The following NOS1 variants were observed in gnomAD, a reference collection of about 807,000 sequenced individuals.
The protein encoded by NOS1 is nitric oxide synthase 1.
In NOS1, 51 loss-of-function variants were observed where a neutral mutation model predicts 164.5. The observed-to-expected ratio is 0.31, with a 90% confidence interval of 0.25 to 0.39. The LOEUF is 0.39. NOS1 is among the 10% of genes least tolerant of loss of function. The pLI, the probability that NOS1 is intolerant of heterozygous loss-of-function variation, is 1.00. For synonymous variants in NOS1, 719 were observed against 745.8 expected, an observed-to-expected ratio of 0.96 and a Z score of 0.59; for missense variants, 1,362 against 1,885.6, an observed-to-expected ratio of 0.72 and a Z score of 5.14.
rs546243835 is a variant in NOS1 at position 117,317,522 on chromosome 12, C to T, written c.726-5930G>A. On this transcript the variant is annotated intron_variant, in intron 2 of 28. Coordinates refer to ENST00000317775, the MANE Select transcript of NOS1 (RefSeq NM_000620.5). The stretch of plus-strand genomic sequence containing the variant: ...AATGCTTCCAGATATTGCAAAGTGC[C>T]CCCTGGGAGGCAAAATTGTACTCCT... Among the ~76,000 whole-genome samples the T allele has an allele frequency of 2.7e-5, 4 of 150,894 alleles. 1 individual carries two copies. The South Asian group carries it at 8.5e-4, about 32-fold the overall frequency.
chr12:117,349,690 G>T (rs9658261), intron 1 of NOS1, among the ~76,000 whole-genome samples: 1,724 of 152,272 alleles, frequency 0.011, 116 homozygotes, highest in Admixed American at 0.1. Flanking sequence ...ATGGTACCTA[G>T]TCTGTAGCAA....
chr12:117,273,407 G>A (rs965790891), intron 9 of NOS1, among the ~76,000 whole-genome samples: 2 of 152,146 alleles, frequency 1.3e-5, no homozygotes, highest in Non-Finnish European at 2.9e-5. Context: ...CAGGACACCG[G>A]CTCCCTCTCC....
chr12:117,217,160 T>C (rs979863092), intron 28 of NOS1, among the ~76,000 whole-genome samples: 5 of 151,998 alleles, frequency 3.3e-5, no homozygotes, highest in African/African-American at 1.2e-4. Context: ...AGTGAAATTG[T>C]CAAAATCATG....
intron 26 of NOS1, among the ~76,000 whole-genome samples, chr12:117,221,318 CTT>C (rs201784052): frequency 6.8e-6 from 1 of 146,778 alleles, no homozygotes; most frequent in African/African-American, 2.5e-5. Context: ...CCACACCTGG[CTT>C]TTTTTTTTAG....
At chr12:117,295,825 C>T (rs1470081119) in intron 3 of NOS1, among the ~76,000 whole-genome samples, 1 of 151,046 alleles carries the variant, frequency 6.6e-6, no homozygotes, top group Admixed American at 6.6e-5. Context: ...GACGAGGTTT[C>T]ACCATGTTGG....
chr12:117,340,408 C>A (rs1876042003), intron 1 of NOS1, among the ~76,000 whole-genome samples: 1 of 152,154 alleles, frequency 6.6e-6, no homozygotes, highest in Non-Finnish European at 1.5e-5. Flanking sequence ...TGATCGTGGG[C>A]AAGTTACTTA....
chr12:117,259,975 C>G (rs183630283), intron 14 of NOS1, among the ~76,000 whole-genome samples: 5 of 151,924 alleles, frequency 3.3e-5, no homozygotes, highest in South Asian at 2.1e-4. Flanking sequence ...AAAAATTAGC[C>G]GAACGTGGTG....
At chr12:117,219,589 G>A (rs746993678) in intron 27 of NOS1, among the ~76,000 whole-genome samples, 5 of 152,164 alleles carry the variant, frequency 3.3e-5, no homozygotes, top group Non-Finnish European at 7.3e-5. Flanking sequence ...TTATAGGCGT[G>A]AGCCACCGAG....
chr12:117,283,302 T>C (rs946821400), intron 7 of NOS1, among the ~76,000 whole-genome samples: 4 of 152,126 alleles, frequency 2.6e-5, no homozygotes, highest in African/African-American at 4.8e-5. Context: ...GCTCAAGTGA[T>C]CCATTCACCT....
chr12:117,223,095 A>T (rs189013608), intron 25 of NOS1, among the ~76,000 whole-genome samples: 3 of 152,182 alleles, frequency 2.0e-5, no homozygotes, highest in African/African-American at 7.2e-5. Context: ...GAAGGAGGTG[A>T]AGTGTGTTCA....
chr12:117,223,902 C>T (rs1381854757), intron 25 of NOS1, among the ~76,000 whole-genome samples: 2 of 152,202 alleles, frequency 1.3e-5, no homozygotes, highest in African/African-American at 4.8e-5. Context: ...GATCCACCTG[C>T]CTCAGCCTTC....
rs569932511 is a variant in NOS1, at chr12:117,214,055, G to A, written c.*1254C>T. The A allele has an allele frequency of 1.0e-6, 1 of 985,442 alleles. No homozygotes were observed. The highest frequency in any genetic ancestry group is 1.1e-4 in the East Asian group (1 of 8,816). The allele number at this position is 985,442 out of a possible 1,614,324, so 61.0% of individuals were successfully genotyped here. On this transcript the variant is annotated 3_prime_UTR_variant, in exon 29 of 29. Transcript: ENST00000317775. ...AGAGGGCAACAAGCCTGAGGGACAAGTTCTTCCCACCCCAAGTTGTGGCTC... is the reference window on the plus strand; with the variant it reads ...AGAGGGCAACAAGCCTGAGGGACAAATTCTTCCCACCCCAAGTTGTGGCTC...
intron 21 of NOS1, among the ~76,000 whole-genome samples, chr12:117,233,737 G>A (rs1416003078): frequency 1.3e-5 from 2 of 151,036 alleles, no homozygotes; most frequent in Admixed American, 6.6e-5. Context: ...GAACCTGGGA[G>A]GTGGAGGTTG....
intron 3 of NOS1, among the ~76,000 whole-genome samples, chr12:117,291,203 G>C (rs758248261): frequency 6.6e-6 from 1 of 152,070 alleles, no homozygotes; most frequent in African/African-American, 2.4e-5. Flanking sequence ...GACAGAAGGA[G>C]CCTCCATCTC....
chr12:117,257,455 C>T (rs907938515), intron 16 of NOS1, among the ~76,000 whole-genome samples: 7 of 152,078 alleles, frequency 4.6e-5, no homozygotes, highest in South Asian at 4.1e-4. Context: ...ACATTAGATG[C>T]GGTTCCATTA....
intron 2 of NOS1, among the ~76,000 whole-genome samples, chr12:117,320,580 T>C (rs141364545): frequency 0.017 from 2,560 of 152,254 alleles, 34 homozygotes; most frequent in Non-Finnish European, 0.026. Context: ...TAAAGGTGTA[T>C]TGCTTTCAGC....
At chr12:117,257,539 G>A (rs977097181) in intron 16 of NOS1, among the ~76,000 whole-genome samples, 1 of 151,000 alleles carries the variant, frequency 6.6e-6, no homozygotes, top group Non-Finnish European at 1.5e-5. Context: ...TTCTAGATTA[G>A]CTGCAACTTC....
chr12:117,320,002 A>G (rs1874843110), intron 2 of NOS1, among the ~76,000 whole-genome samples: 1 of 152,194 alleles, frequency 6.6e-6, no homozygotes, highest in African/African-American at 2.4e-5. Flanking sequence ...AGCTGGTGAG[A>G]GGTAAAGTGG....
rs1039742152 is a variant in NOS1 at position 117,213,825 on chromosome 12, A to G, written c.*1484T>C. The G allele has an allele frequency of 3.0e-6, 3 of 985,192 alleles. No homozygotes were observed. In the African/African-American group the frequency reaches 5.2e-5, roughly 17 times the overall value. 61.0% of individuals were successfully genotyped at this position (985,192 alleles called of 1,614,324 possible). A position where few individuals can be genotyped will look rare whatever the true frequency, so the allele number is the denominator to read the frequency against. ...TCTTTCTGGGAACTGCCTGACACTA[A>G]TTTGTAGTATTTAAAAAAGTATACA... On this transcript the variant is annotated 3_prime_UTR_variant, in exon 29 of 29. Transcript: ENST00000317775.
Sources: gnomAD v4.1 joint callset for allele counts (sites outside exome capture counted in the v4.1 genomes callset) on GRCh38, gnomAD v4.1.1 for gene constraint, MANE v1.5 for transcripts, NCBI Gene and HGNC (gene_info 2026-07-23, HGNC 2026-07-21) for gene names.